MAGI1: variants seen among roughly 807,000 people sequenced by gnomAD.
The protein encoded by MAGI1 is membrane associated guanylate kinase, WW and PDZ domain containing 1.
In MAGI1, 58 loss-of-function variants were observed where a neutral mutation model predicts 139.9. That is an observed-to-expected ratio of 0.41 (90% CI 0.34 to 0.52). The LOEUF is 0.52. Among genes scored for constraint, MAGI1 ranks in the 20% least tolerant of loss-of-function variants. MAGI1 has a pLI of 0.12. For missense variants in MAGI1, 1,874 were observed against 1,901.6 expected (o/e 0.99, Z 0.27); for synonymous variants, 812 against 737.9 (o/e 1.10, Z -1.63).
rs1180962724 is a variant in MAGI1, at chr3:65,778,451, A to AAAAAAAAAAAAAAAAAAAG, written c.314-156364_314-156363insCTTTTTTTTTTTTTTTTTT. On this transcript the variant is annotated intron_variant, in intron 1 of 22. Coordinates refer to ENST00000402939, the MANE Select transcript of MAGI1 (RefSeq NM_001033057.2). ...GTCTCAAAAAAAAAAAAAATAAATA[A>AAAAAAAAAAAAAAAAAAAG]ATAAGTCTTTTGAGAAATGCAGGAA... 4.9e-5 allele frequency among the ~76,000 whole-genome samples: 3 copies of AAAAAAAAAAAAAAAAAAAG among 61,362 alleles called. 1 individual carries two copies. The highest frequency in any genetic ancestry group is 9.8e-5 in the African/African-American group (2 of 20,338). The allele number at this position is 61,362 out of a possible 152,430, so 40.3% of individuals were successfully genotyped here. A position where few individuals can be genotyped will look rare whatever the true frequency, so the allele number is the denominator to read the frequency against.
chr3:65,370,282 G>T (rs1046575023), intron 18 of MAGI1, among the ~76,000 whole-genome samples: 1 of 151,954 alleles, frequency 6.6e-6, no homozygotes, highest in Non-Finnish European at 1.5e-5. Flanking sequence ...AAAAAAAATT[G>T]AGCATCACAT....
At chr3:65,594,474 C>A (rs73835604) in intron 2 of MAGI1, among the ~76,000 whole-genome samples, 1 of 152,092 alleles carries the variant, frequency 6.6e-6, no homozygotes, top group African/African-American at 2.4e-5. Context: ...ACTTCAAAAG[C>A]CTAAAAGTCA....
At chr3:65,445,522 T>C (rs1421770426) in intron 7 of MAGI1, among the ~76,000 whole-genome samples, 1 of 152,210 alleles carries the variant, frequency 6.6e-6, no homozygotes, top group African/African-American at 2.4e-5. Flanking sequence ...TCTCTGTATA[T>C]AGATTGAAAA....
rs115187707 is a variant in MAGI1, at chr3:66,034,797, T to G, written c.313+3199A>C. Among the ~76,000 whole-genome samples the G allele has an allele frequency of 5.2e-3, 790 of 152,294 alleles. 3 individuals carry two copies. The highest frequency in any genetic ancestry group is 0.018 in the African/African-American group (763 of 41,558). ...AACAAAACGAAATCTCCAAAATATT[T>G]TGTTGAGTAACAAAAGCCAAACACA... is the stretch of plus-strand genomic sequence containing the variant. On this transcript the variant is annotated intron_variant, in intron 1 of 22. Coordinates refer to ENST00000402939, the MANE Select transcript of MAGI1 (RefSeq NM_001033057.2).
At chr3:65,540,516 T>C (rs970664311) in intron 2 of MAGI1, among the ~76,000 whole-genome samples, 2 of 152,182 alleles carry the variant, frequency 1.3e-5, no homozygotes, top group African/African-American at 4.8e-5. Context: ...TTTAAAAATA[T>C]AGGGGGCTAT....
intron 5 of MAGI1, among the ~76,000 whole-genome samples, chr3:65,467,780 G>T (rs900634633): frequency 7.7e-4 from 117 of 152,254 alleles, no homozygotes; most frequent in African/African-American, 2.7e-3. Flanking sequence ...TCTGTACCAG[G>T]AACACCTATT....
Position 65,820,948 on chromosome 3 carries a change from C to T in MAGI1, c.314-198860G>A, listed in dbSNP as rs143666158. Among the ~76,000 whole-genome samples, 15 of 152,226 alleles carry T rather than the reference C, an allele frequency of 9.9e-5. No homozygotes were observed. The East Asian group carries it at 2.7e-3, about 28-fold the overall frequency. On this transcript the variant is annotated intron_variant, in intron 1 of 22. Transcript: ENST00000402939. ...TTTTCTGACTGGGTCACATGCTTGTCCCTGAATCAATCACTGTAGGCAAAA... is the reference window on the plus strand; with the variant it reads ...TTTTCTGACTGGGTCACATGCTTGTTCCTGAATCAATCACTGTAGGCAAAA...
chr3:65,755,163 G>T (rs1363393381), intron 1 of MAGI1, among the ~76,000 whole-genome samples: 3 of 152,028 alleles, frequency 2.0e-5, no homozygotes, highest in Non-Finnish European at 4.4e-5. Flanking sequence ...GGCCAGGCTG[G>T]TCTCAAACTG....
At chr3:65,414,320 A>T (rs1008217224) in intron 12 of MAGI1, among the ~76,000 whole-genome samples, 8 of 152,234 alleles carry the variant, frequency 5.3e-5, no homozygotes, top group Admixed American at 2.0e-4. Context: ...TTACCCCGAT[A>T]ACTTATATAG....
At chr3:65,833,095 C>A (rs2042612711) in intron 1 of MAGI1, among the ~76,000 whole-genome samples, 1 of 149,788 alleles carries the variant, frequency 6.7e-6, no homozygotes. Flanking sequence ...TAATAGTGGG[C>A]TAGGACTGGA....
At chr3:65,715,041 G>A (rs562582991) in intron 1 of MAGI1, among the ~76,000 whole-genome samples, 2 of 152,132 alleles carry the variant, frequency 1.3e-5, no homozygotes, top group East Asian at 1.9e-4. Context: ...GATGGTGGGG[G>A]GTGGGATGGC....
At chr3:65,505,663 A>ATAATAATAC (rs1553655777) in intron 2 of MAGI1, among the ~76,000 whole-genome samples, 4 of 149,934 alleles carry the variant, frequency 2.7e-5, no homozygotes, top group Non-Finnish European at 5.9e-5. Flanking sequence ...AATAATAATA[A>ATAATAATAC]TAATAGGGAA....
Position 65,430,685 on chromosome 3 carries a change from C to A in MAGI1, c.1546+14G>T. 6.2e-7 allele frequency: 1 copy of A among 1,612,124 alleles called. No homozygotes were observed. The highest frequency in any genetic ancestry group is 8.5e-7 in the Non-Finnish European group (1 of 1,179,236). On this transcript the variant is annotated intron_variant, in intron 11 of 22. Coordinates refer to ENST00000402939, the MANE Select transcript of MAGI1 (RefSeq NM_001033057.2). ...CTCACCACACAGAACACACTAAGGC[C>A]ATGTTGACGCTACCTGTTTCCATCT...
At position 65,756,684 on chromosome 3, in the gene MAGI1, C is replaced by G. The variant is rs59845578; in HGVS notation, c.314-134596G>C. 6.5e-3 allele frequency among the ~76,000 whole-genome samples: 983 copies of G among 152,260 alleles called. 12 individuals carry two copies. The highest frequency in any genetic ancestry group is 0.023 in the African/African-American group (936 of 41,556). ...TGGTGCCACAGTCTCTTCCTGTAAA[C>G]TACCTTTATGAAAAATTACAGTCAT... On this transcript the variant is annotated intron_variant, in intron 1 of 22. Coordinates refer to ENST00000402939, the MANE Select transcript of MAGI1 (RefSeq NM_001033057.2).
At chr3:65,937,604 G>A (rs926323647) in intron 1 of MAGI1, among the ~76,000 whole-genome samples, 1 of 152,112 alleles carries the variant, frequency 6.6e-6, no homozygotes, top group Non-Finnish European at 1.5e-5. Flanking sequence ...TAGGTGGCTT[G>A]CTTTGGATAA....
chr3:66,004,725 C>T (rs1199140853), intron 1 of MAGI1, among the ~76,000 whole-genome samples: 2 of 152,148 alleles, frequency 1.3e-5, no homozygotes, highest in African/African-American at 4.8e-5. Context: ...GCAGACAAAC[C>T]ACTGATAGAT....
intron 3 of MAGI1, among the ~76,000 whole-genome samples, chr3:65,485,289 A>G (rs1951556430): frequency 6.6e-6 from 1 of 152,172 alleles, no homozygotes; most frequent in African/African-American, 2.4e-5. Context: ...CCCTACAAAA[A>G]TAGGATGTTC....
intron 1 of MAGI1, among the ~76,000 whole-genome samples, chr3:65,767,998 T>A (rs1444295520): frequency 1.3e-5 from 2 of 152,250 alleles, no homozygotes; most frequent in East Asian, 3.8e-4. Flanking sequence ...GCTCTCCAAT[T>A]CATGAATTGC....
chr3:65,540,362 T>C (rs1193897861), intron 2 of MAGI1, among the ~76,000 whole-genome samples: 2 of 152,176 alleles, frequency 1.3e-5, no homozygotes, highest in Admixed American at 1.3e-4. Context: ...GCATTTTATA[T>C]TTATTTTGGG....
Sources: gnomAD v4.1 joint callset for allele counts (sites outside exome capture counted in the v4.1 genomes callset) on GRCh38, gnomAD v4.1.1 for gene constraint, MANE v1.5 for transcripts, NCBI Gene and HGNC (gene_info 2026-07-23, HGNC 2026-07-21) for gene names.